The following MACC1 variants were observed in gnomAD, a reference collection of about 807,000 sequenced individuals.
The protein encoded by MACC1 is MET transcriptional regulator MACC1.
Under a neutral mutation model 70.7 loss-of-function variants are expected in MACC1, and 79 were observed. That is an observed-to-expected ratio of 1.12 (90% CI 0.93 to 1.35). The LOEUF (loss-of-function observed/expected upper bound fraction) is 1.35. Ranked by LOEUF, MACC1 falls within the 40% of genes most tolerant of loss-of-function variation. The probability of loss-of-function intolerance (pLI) is 0.00; values close to 1 mark genes in which losing one functional copy is unlikely to be tolerated. For synonymous variants in MACC1, 361 were observed against 347.2 expected, an observed-to-expected ratio of 1.04 and a Z score of -0.44; for missense variants, 1,106 against 978.1, an observed-to-expected ratio of 1.13 and a Z score of -1.74.
At chr7:20,196,974 T>C (rs1460479970) in intron 1 of MACC1, among the ~76,000 whole-genome samples, 2 of 152,160 alleles carry the variant, frequency 1.3e-5, no homozygotes, top group African/African-American at 2.4e-5. Context: ...ATTTTAGTCA[T>C]TGTCTTTTGT....
chr7:20,172,697 T>C (rs555756371), intron 1 of MACC1, among the ~76,000 whole-genome samples: 2 of 152,312 alleles, frequency 1.3e-5, no homozygotes, highest in African/African-American at 2.4e-5. Flanking sequence ...ATTCTTTCAA[T>C]TGACCTAAAA....
intron 4 of MACC1, among the ~76,000 whole-genome samples, chr7:20,160,977 C>T (rs1583389375): frequency 6.6e-6 from 1 of 152,082 alleles, no homozygotes; most frequent in African/African-American, 2.4e-5. Context: ...AATTTTACCA[C>T]TAGAAATTGA....
At chr7:20,196,155 T>C (rs953079127) in intron 1 of MACC1, among the ~76,000 whole-genome samples, 2 of 152,126 alleles carry the variant, frequency 1.3e-5, no homozygotes, top group East Asian at 1.9e-4. Context: ...TTAGCTTTTA[T>C]TGGTAATAAT....
intron 1 of MACC1, among the ~76,000 whole-genome samples, chr7:20,184,073 T>G (rs1404193796): frequency 6.6e-6 from 1 of 152,136 alleles, no homozygotes; most frequent in Non-Finnish European, 1.5e-5. Flanking sequence ...CTTCATCTAT[T>G]TAGATTTTAA....
At chr7:20,191,304 G>A (rs1782668034) in intron 1 of MACC1, among the ~76,000 whole-genome samples, 1 of 152,206 alleles carries the variant, frequency 6.6e-6, no homozygotes, top group African/African-American at 2.4e-5. Flanking sequence ...GGGCCTACTT[G>A]CACTTCTGAG....
chr7:20,209,218 G>A (rs530679981), intron 1 of MACC1, among the ~76,000 whole-genome samples: 1 of 152,298 alleles, frequency 6.6e-6, no homozygotes, highest in Non-Finnish European at 1.5e-5. Flanking sequence ...GTGAGAAGAG[G>A]GCTACTGTCC....
At chr7:20,177,769 G>A (rs537439957) in intron 1 of MACC1, among the ~76,000 whole-genome samples, 1 of 150,120 alleles carries the variant, frequency 6.7e-6, no homozygotes, top group South Asian at 2.1e-4. Flanking sequence ...CATCTTACAG[G>A]GGAAGTCATA....
chr7:20,162,004 T>G (rs1429674500), intron 3 of MACC1, 134 bp from the exon 4 acceptor site: 1 of 564,626 alleles, frequency 1.8e-6, no homozygotes, highest in African/African-American at 1.9e-5. Context: ...CTTCTACTCC[T>G]GGTAGGATAC....
chr7:20,200,853 C>T (rs1485565074), intron 1 of MACC1, among the ~76,000 whole-genome samples: 1 of 152,188 alleles, frequency 6.6e-6, no homozygotes, highest in Non-Finnish European at 1.5e-5. Context: ...CACTGGCCAG[C>T]ATCCATTCTG....
intron 1 of MACC1, among the ~76,000 whole-genome samples, chr7:20,209,447 A>C (rs1165783720): frequency 6.6e-6 from 1 of 152,242 alleles, no homozygotes; most frequent in Non-Finnish European, 1.5e-5. Context: ...TTTATGGGTT[A>C]ATGACTGCCC....
intron 1 of MACC1, among the ~76,000 whole-genome samples, chr7:20,186,167 C>T (rs1782586925): frequency 6.6e-6 from 1 of 152,268 alleles, no homozygotes; most frequent in African/African-American, 2.4e-5. Context: ...TGTTTTTCTT[C>T]CTTACTTCCT....
At chr7:20,209,062 T>C (rs992323599) in intron 1 of MACC1, among the ~76,000 whole-genome samples, 2 of 152,158 alleles carry the variant, frequency 1.3e-5, no homozygotes, top group African/African-American at 2.4e-5. Context: ...TTTTAAAGGA[T>C]GTATGGAAAT....
chr7:20,159,262 G>A lies in MACC1; in HGVS notation c.1099C>T (p.His367Tyr), dbSNP rs771399149. The change falls in exon 5 of 7, where the codon CAC (histidine) becomes TAC (tyrosine). Residue 367 changes from histidine to tyrosine, a missense_variant. Transcript: ENST00000400331. ...TAAATTCCAATTGAGGTGGTTTTGTGGATATAATCCCAAATGGTGGCAGCT... is the reference window on the plus strand; with the variant it reads ...TAAATTCCAATTGAGGTGGTTTTGTAGATATAATCCCAAATGGTGGCAGCT... ...SPAATIWDYIHKTTSIGIYGP... is the reference protein window; with the variant it reads ...SPAATIWDYIYKTTSIGIYGP... 30 of 1,613,802 alleles carry A rather than the reference G, an allele frequency of 1.9e-5. No homozygotes were observed. Among genetic ancestry groups the A allele is most frequent in the Middle Eastern group, 1.6e-4 (1 of 6,076 alleles).
rs1420212462 is a variant in MACC1 at position 20,158,257 on chromosome 7, C to T, written c.2104G>A (p.Glu702Lys). The T allele has an allele frequency of 6.2e-7, 1 of 1,605,924 alleles. No individual in the cohort carries two copies. The highest frequency in any genetic ancestry group is 2.2e-5 in the East Asian group (1 of 44,824). ...KVSYVIKKLKEDCHTERNTRK... is the reference protein window; with the variant it reads ...KVSYVIKKLKKDCHTERNTRK... ...GTATTTCTCTCTGTGTGGCAATCTT[C>T]CTTTAACTTCTTTATAACATAAGAA... The change falls in exon 5 of 7, where the codon GAA becomes AAA. Residue 702 changes from glutamate to lysine, a missense_variant. Glu to Lys is a moderately conservative substitution (Grantham distance 56, BLOSUM62 1). Transcript: ENST00000400331.
At chr7:20,172,852 T>C (rs1470776489) in intron 1 of MACC1, among the ~76,000 whole-genome samples, 3 of 152,198 alleles carry the variant, frequency 2.0e-5, no homozygotes, top group South Asian at 2.1e-4. Flanking sequence ...TGAGAGCCTG[T>C]GCTGCTCTGG....
intron 2 of MACC1, among the ~76,000 whole-genome samples, chr7:20,166,293 C>T (rs1782217348): frequency 6.6e-6 from 1 of 152,192 alleles, no homozygotes; most frequent in South Asian, 2.1e-4. Context: ...TTTCCTTCAC[C>T]TGCCAAATGC....
chr7:20,187,158 A>G (rs1782601460), intron 1 of MACC1, among the ~76,000 whole-genome samples: 1 of 152,218 alleles, frequency 6.6e-6, no homozygotes, highest in South Asian at 2.1e-4. Context: ...TGGTAAGACC[A>G]TACTAATTTT....
Position 20,138,660 on chromosome 7 carries a change from A to C in MACC1, c.*2286T>G, listed in dbSNP as rs1781752497. 1 of 151,868 alleles carries C rather than the reference A, an allele frequency of 6.6e-6. No homozygotes were observed. The highest frequency in any genetic ancestry group is 2.4e-5 in the African/African-American group (1 of 41,358). 9.4% of individuals were successfully genotyped at this position (151,868 alleles called of 1,614,324 possible). A position where few individuals can be genotyped will look rare whatever the true frequency, so the allele number is the denominator to read the frequency against. ...TGTGTTCCCTTATAATCAAATATAA[A>C]TACTGAAAGCCGTACAGATTATTCC... On this transcript the variant is annotated 3_prime_UTR_variant, in exon 7 of 7. Transcript: ENST00000400331.
intron 2 of MACC1, among the ~76,000 whole-genome samples, chr7:20,168,245 T>C (rs1782250703): frequency 6.8e-6 from 1 of 148,046 alleles, no homozygotes; most frequent in African/African-American, 2.5e-5. Flanking sequence ...AACAAGTAAG[T>C]GTATATTATT....
Sources: allele counts gnomAD v4.1 joint callset (sites outside exome capture counted in the v4.1 genomes callset), GRCh38; gene constraint gnomAD v4.1.1; transcripts MANE v1.5; gene names NCBI Gene and HGNC (gene_info 2026-07-23, HGNC 2026-07-21).